Variants in DNAAF9 observed in about 807,000 individuals in gnomAD.
DNAAF9 encodes dynein axonemal assembly factor 9, also known as shulin.
In DNAAF9, 90 loss-of-function variants were observed where a neutral mutation model predicts 167.0. The ratio of observed to expected loss-of-function variants is 0.54; its 90% confidence interval spans 0.45 to 0.64. The LOEUF is 0.64. Among genes scored for constraint, DNAAF9 ranks in the 30% least tolerant of loss-of-function variants. The probability of loss-of-function intolerance (pLI) is 0.00; values close to 1 mark genes in which losing one functional copy is unlikely to be tolerated. For missense variants in DNAAF9, 1,315 were observed against 1,442.2 expected (o/e 0.91, Z 1.43); for synonymous variants, 491 against 508.8 (o/e 0.96, Z 0.47).
At chr20:3,365,731 TAG>T (rs1397324814) in intron 6 of DNAAF9, among the ~76,000 whole-genome samples, 1 of 152,170 alleles carries the variant, frequency 6.6e-6, no homozygotes, top group Admixed American at 6.5e-5. Flanking sequence ...TTTTCAAAAT[TAG>T]AGTCAATTCT....
chr20:3,382,069 A>G (rs932283279), intron 2 of DNAAF9, among the ~76,000 whole-genome samples: 2 of 152,150 alleles, frequency 1.3e-5, no homozygotes, highest in Non-Finnish European at 2.9e-5. Flanking sequence ...AAATTAAACA[A>G]TACTGTCTTC....
chr20:3,315,965 G>A lies in DNAAF9; in HGVS notation c.1540-180C>T. 1.6e-6 allele frequency: 1 copy of A among 624,634 alleles called. No homozygotes were observed. Among genetic ancestry groups the A allele is most frequent in the South Asian group, 1.9e-5 (1 of 52,692 alleles). The allele number at this position is 624,634 out of a possible 1,614,324, so 38.7% of individuals were successfully genotyped here. Reference sequence around the variant, plus strand: ...TGTCTGCTGGTCACCTGGGCTCAGAGCCCAAGGCCTTGGTGGGCTCTCTCA... The same window carrying A: ...TGTCTGCTGGTCACCTGGGCTCAGAACCCAAGGCCTTGGTGGGCTCTCTCA... On this transcript the variant is annotated intron_variant, in intron 18 of 36. Coordinates refer to ENST00000252032, the MANE Select transcript of DNAAF9 (RefSeq NM_001009984.3). This position sits in a 1 kb window ranked among gnomAD's most constrained non-coding sequence, Gnocchi z 4.1.
At chr20:3,292,303 C>T (rs1312751106) in intron 25 of DNAAF9, among the ~76,000 whole-genome samples, 26 of 152,160 alleles carry the variant, frequency 1.7e-4, no homozygotes, top group African/African-American at 6.0e-4. Flanking sequence ...CCTGGGCGAG[C>T]ACCTTTTAAT....
At chr20:3,291,971 T>C (rs2068963555) in intron 25 of DNAAF9, among the ~76,000 whole-genome samples, 1 of 152,050 alleles carries the variant, frequency 6.6e-6, no homozygotes, top group Non-Finnish European at 1.5e-5. Context: ...CAGCCAGACA[T>C]GTTTTTACTT....
chr20:3,345,489 T>C (rs1015749896), intron 8 of DNAAF9, among the ~76,000 whole-genome samples: 1 of 152,192 alleles, frequency 6.6e-6, no homozygotes, highest in Non-Finnish European at 1.5e-5. Context: ...GTCACAGAGC[T>C]AGTGAACTGT....
chr20:3,314,991 G>A, intron 20 of DNAAF9, 42 bp downstream of exon 20: 1 of 1,073,408 alleles, frequency 9.3e-7, no homozygotes, highest in Non-Finnish European at 1.4e-6. Context: ...GCAAATGAGG[G>A]ACCCAGACAT....
Position 3,264,425 on chromosome 20 carries a change from T to A in DNAAF9, c.2873+13A>T. The stretch of plus-strand genomic sequence containing the variant: ...CAAAAAAATCTTAGTTATTTTTCAA[T>A]GATGATACTTGCCAGCCAGGATACA... On this transcript the variant is annotated intron_variant, in intron 31 of 36. Transcript: ENST00000252032. The A allele has an allele frequency of 8.5e-7, 1 of 1,171,810 alleles. No individual in the cohort carries two copies. Among genetic ancestry groups the A allele is most frequent in the Non-Finnish European group, 1.3e-6 (1 of 792,206 alleles). 72.6% of individuals were successfully genotyped at this position (1,171,810 alleles called of 1,614,324 possible).
At chr20:3,367,913 TA>T (rs35776183) in intron 6 of DNAAF9, among the ~76,000 whole-genome samples, 255 of 142,024 alleles carry the variant, frequency 1.8e-3, no homozygotes, top group Middle Eastern at 3.7e-3. Context: ...TCAATTTGTT[TA>T]AAAAAAAAAA....
chr20:3,341,444 T>C (rs2070083779), intron 9 of DNAAF9, among the ~76,000 whole-genome samples: 1 of 152,126 alleles, frequency 6.6e-6, no homozygotes, highest in African/African-American at 2.4e-5. Context: ...GTCCCAGGGT[T>C]TACCTGCAGC....
intron 26 of DNAAF9, among the ~76,000 whole-genome samples, chr20:3,288,050 G>A (rs559902118): frequency 6.6e-6 from 1 of 152,206 alleles, no homozygotes; most frequent in Non-Finnish European, 1.5e-5. Flanking sequence ...GTAAGCACTT[G>A]ACCAACAGAC....
rs148071760 is a variant in DNAAF9 at position 3,287,817 on chromosome 20, A to G, written c.2328-27T>C. ...TGGAAAGGTAAAAGGTAACCTCTGC[A>G]TGGGGGCCACCTGATGGCCTAGCTC... On this transcript the variant is annotated intron_variant, in intron 26 of 36. Coordinates refer to ENST00000252032, the MANE Select transcript of DNAAF9 (RefSeq NM_001009984.3). 1.0e-4 allele frequency: 165 copies of G among 1,610,908 alleles called. No individual in the cohort carries two copies. The African/African-American group carries it at 2.1e-3, about 21-fold the overall frequency.
In DNAAF9 at chr20:3,252,523, T is replaced by C. The variant is rs1443830756; in HGVS notation, c.*49A>G. The stretch of plus-strand genomic sequence containing the variant: ...GAGCTGAGGTTAAGACACCCGTTCG[T>C]CCATCTCCAAGGTGGACATTCTGCA... On this transcript the variant is annotated 3_prime_UTR_variant, in exon 37 of 37. Coordinates refer to ENST00000252032, the MANE Select transcript of DNAAF9 (RefSeq NM_001009984.3). The C allele has an allele frequency of 3.0e-6, 3 of 1,011,918 alleles. No individual in the cohort carries two copies. The highest frequency in any genetic ancestry group is 3.2e-6 in the Non-Finnish European group (2 of 631,228). The allele number at this position is 1,011,918 out of a possible 1,614,324, so 62.7% of individuals were successfully genotyped here. A position where few individuals can be genotyped will look rare whatever the true frequency, so the allele number is the denominator to read the frequency against.
intron 28 of DNAAF9, among the ~76,000 whole-genome samples, chr20:3,279,224 G>C (rs1386293567): frequency 6.6e-6 from 1 of 152,210 alleles, no homozygotes; most frequent in Admixed American, 6.5e-5. Context: ...TTTGGTCTAT[G>C]GGAGATGGAG....
At position 3,367,908 on chromosome 20, in the gene DNAAF9, T is replaced by A. The variant is rs2083450277; in HGVS notation, c.612+6140A>T. ...ATGCAGGCTGCCACAAACCATCAATTTGTTTAAAAAAAAAAAAAAGCAATA... is the reference window on the plus strand; with the variant it reads ...ATGCAGGCTGCCACAAACCATCAATATGTTTAAAAAAAAAAAAAAGCAATA... On this transcript the variant is annotated intron_variant, in intron 6 of 36. Transcript: ENST00000252032. Among the ~76,000 whole-genome samples the A allele has an allele frequency of 3.3e-5, 4 of 122,634 alleles. No homozygotes were observed. In the South Asian group the frequency reaches 1.2e-3, roughly 38 times the overall value. 80.5% of individuals were successfully genotyped at this position (122,634 alleles called of 152,430 possible). A position where few individuals can be genotyped will look rare whatever the true frequency, so the allele number is the denominator to read the frequency against.
chr20:3,390,237 T>A (rs1279773918), intron 1 of DNAAF9, among the ~76,000 whole-genome samples: 2 of 152,130 alleles, frequency 1.3e-5, no homozygotes, highest in African/African-American at 2.4e-5. Flanking sequence ...TGTCTGCAGC[T>A]TACTTCAAAA....
intron 6 of DNAAF9, among the ~76,000 whole-genome samples, chr20:3,369,953 T>C (rs1202878967): frequency 6.6e-6 from 1 of 151,698 alleles, no homozygotes; most frequent in Admixed American, 6.6e-5. Context: ...TCTTTGGGTC[T>C]TAATGAACTG....
At chr20:3,319,530 G>A (rs1345049517) in intron 16 of DNAAF9, among the ~76,000 whole-genome samples, 1 of 152,158 alleles carries the variant, frequency 6.6e-6, no homozygotes, top group African/African-American at 2.4e-5. Context: ...AGGGACATGG[G>A]ATAAGTAGCA....
intron 26 of DNAAF9, among the ~76,000 whole-genome samples, chr20:3,289,411 C>T (rs868184180): frequency 2.1e-4 from 32 of 152,046 alleles, no homozygotes; most frequent in African/African-American, 7.0e-4. Context: ...TGCCACTGTA[C>T]GCGAGTTTGG....
At position 3,376,187 on chromosome 20, in the gene DNAAF9, G is replaced by T. The variant is rs752071483; in HGVS notation, c.399C>A (p.Thr133=). 1.2e-6 allele frequency: 2 copies of T among 1,612,288 alleles called. No individual in the cohort carries two copies. Among genetic ancestry groups the T allele is most frequent in the Admixed American group, 1.7e-5 (1 of 59,702 alleles). ...HWRNLHFHCM[T]ENEYEDEEAA... is the part of the protein sequence containing the mutation. ...TCTCTTTTCTTCTTACCTCATTTTC[G>T]GTCATGCAGTGGAAATGCAGATTTC... The change falls in exon 4 of 37, where the codon ACC becomes ACA. Residue 133 remains threonine (T), a synonymous_variant. Coordinates refer to ENST00000252032, the MANE Select transcript of DNAAF9 (RefSeq NM_001009984.3).
Sources: gnomAD v4.1 joint callset for allele counts (sites outside exome capture counted in the v4.1 genomes callset) on GRCh38, gnomAD v4.1.1 for gene constraint, Gnocchi (gnomAD v3.1) non-coding constraint, MANE v1.5 for transcripts, NCBI Gene and HGNC (gene_info 2026-07-23, HGNC 2026-07-21) for gene names.